Variants in RARB observed in about 807,000 individuals in gnomAD.
RARB encodes HBV-activated protein.
Under a neutral mutation model 51.9 loss-of-function variants are expected in RARB, and 17 were observed. The ratio of observed to expected loss-of-function variants is 0.33; its 90% CI spans 0.22 to 0.49. The LOEUF (loss-of-function observed/expected upper bound fraction) is 0.49, where lower values mean the gene tolerates loss of function less well. Ranked by LOEUF, RARB falls within the 20% of genes least tolerant of loss-of-function variation. RARB has a pLI of 0.99. For missense variants in RARB, 369 were observed against 550.8 expected (o/e 0.67, Z 3.30); for synonymous variants, 215 against 195.4 (o/e 1.10, Z -0.84).
intron 2 of RARB, among the ~76,000 whole-genome samples, chr3:24,910,604 T>C (rs748141853): frequency 6.6e-6 from 1 of 152,190 alleles, no homozygotes; most frequent in Non-Finnish European, 1.5e-5. Context: ...TTGTCACTCT[T>C]AACAGTCTAA....
chr3:25,545,663 T>C (rs1699589355), intron 3 of RARB, among the ~76,000 whole-genome samples: 1 of 152,174 alleles, frequency 6.6e-6, no homozygotes. Flanking sequence ...GTTCCTGTCC[T>C]GCAGCTCCTC....
At chr3:25,329,293 C>G (rs1044085496) in intron 5 of RARB, among the ~76,000 whole-genome samples, 1 of 152,094 alleles carries the variant, frequency 6.6e-6, no homozygotes, top group African/African-American at 2.4e-5. Flanking sequence ...TGACTGACAC[C>G]TCATACGGCC....
Position 25,317,476 on chromosome 3 carries a change from A to G in RARB, c.178+142901A>G, listed in dbSNP as rs78134945. On this transcript the variant is annotated intron_variant, in intron 5 of 11. Coordinates refer to the RARB transcript ENST00000383772. ...CAGCAAAGACTTCATATCCAGCATT[A>G]TAATAAAGCTAGTCTCATTTCATGG... is the stretch of plus-strand genomic sequence containing the variant. Among the ~76,000 whole-genome samples, 131 of 152,322 alleles carry G rather than the reference A, an allele frequency of 8.6e-4. 2 individuals carry two copies. In the East Asian group the frequency reaches 0.017, roughly 20 times the overall value.
chr3:25,106,489 G>T (rs138719869), intron 3 of RARB, among the ~76,000 whole-genome samples: 3,749 of 86,118 alleles, frequency 0.044, 77 homozygotes, highest in Middle Eastern at 0.065. Flanking sequence ...TTTTTGTAGA[G>T]ACAGGGTTTT....
intron 2 of RARB, among the ~76,000 whole-genome samples, chr3:25,059,039 T>C (rs1425394148): frequency 6.6e-6 from 1 of 151,578 alleles, no homozygotes; most frequent in African/African-American, 2.4e-5. Flanking sequence ...TTCTAACACA[T>C]GCATAAATAT....
intron 5 of RARB, among the ~76,000 whole-genome samples, chr3:25,234,615 A>T (rs966167345): frequency 6.6e-6 from 1 of 151,390 alleles, no homozygotes; most frequent in Non-Finnish European, 1.5e-5. Flanking sequence ...GAGCTAGGGG[A>T]TCTTCTGCTT....
intron 2 of RARB, among the ~76,000 whole-genome samples, chr3:24,860,385 T>A: frequency 6.6e-6 from 1 of 152,140 alleles, no homozygotes; most frequent in Non-Finnish European, 1.5e-5. Flanking sequence ...CATGAGAGAG[T>A]TGTCAGCTTG....
intron 2 of RARB, among the ~76,000 whole-genome samples, chr3:24,869,495 CTGAA>C (rs1334937821): frequency 6.6e-6 from 1 of 152,038 alleles, no homozygotes; most frequent in African/African-American, 2.4e-5. Context: ...GACTAAAACT[CTGAA>C]GGAGAGAATG....
intron 5 of RARB, among the ~76,000 whole-genome samples, chr3:25,331,162 G>A (rs1033024347): frequency 6.6e-6 from 1 of 152,146 alleles, no homozygotes; most frequent in African/African-American, 2.4e-5. Context: ...ATTCAGCTCT[G>A]CACCAAGCAG....
chr3:25,382,671 C>A (rs1000645195), intron 5 of RARB, among the ~76,000 whole-genome samples: 10 of 152,290 alleles, frequency 6.6e-5, no homozygotes, highest in South Asian at 4.1e-4. Flanking sequence ...GCCTGGCCAA[C>A]ATGGTGAAGC....
intron 2 of RARB, among the ~76,000 whole-genome samples, chr3:24,975,818 G>T (rs910472808): frequency 6.6e-6 from 1 of 151,938 alleles, no homozygotes; most frequent in Non-Finnish European, 1.5e-5. Flanking sequence ...CGTGCACAAC[G>T]TGCAGGTTTG....
chr3:24,941,175 AG>A (rs994772915), intron 2 of RARB, among the ~76,000 whole-genome samples: 1 of 151,988 alleles, frequency 6.6e-6, no homozygotes, highest in African/African-American at 2.4e-5. Flanking sequence ...AGAAGGATGG[AG>A]GGTGGATAGG....
intron 2 of RARB, among the ~76,000 whole-genome samples, chr3:24,952,037 G>A (rs551612347): frequency 6.6e-6 from 1 of 152,288 alleles, no homozygotes; most frequent in African/African-American, 2.4e-5. Flanking sequence ...TCAGCTAGAT[G>A]CAAACAATTA....
chr3:25,587,429 GA>G (rs11357740), intron 5 of RARB, among the ~76,000 whole-genome samples: 2,561 of 152,282 alleles, frequency 0.017, 73 homozygotes, highest in African/African-American at 0.057. Context: ...TCTCCTTAAT[GA>G]TTTTTTTGTA....
At chr3:25,463,492 A>T (rs1695285006) in intron 2 of RARB, among the ~76,000 whole-genome samples, 1 of 152,050 alleles carries the variant, frequency 6.6e-6, no homozygotes, top group African/African-American at 2.4e-5. Context: ...GTGAAACCCC[A>T]TCTCTACTAA....
intron 3 of RARB, chr3:25,555,613 A>C (rs1391894823): frequency 1.3e-5 from 2 of 152,218 alleles, no homozygotes; most frequent in Admixed American, 6.5e-5. Flanking sequence ...GAATGATCAC[A>C]TTAAGAATTG....
At chr3:25,389,967 A>G (rs2125486288) in intron 5 of RARB, among the ~76,000 whole-genome samples, 1 of 152,258 alleles carries the variant, frequency 6.6e-6, no homozygotes, top group Non-Finnish European at 1.5e-5. Context: ...AAGGAGACAT[A>G]AGTTTGGATT....
At chr3:25,111,674 G>T (rs1699604616) in intron 3 of RARB, among the ~76,000 whole-genome samples, 2 of 150,684 alleles carry the variant, frequency 1.3e-5, no homozygotes, top group Admixed American at 1.3e-4. Context: ...CGCCTCCTGG[G>T]TTCAAGCAAT....
chr3:24,934,656 A>C (rs1378077627), intron 2 of RARB, among the ~76,000 whole-genome samples: 1 of 152,144 alleles, frequency 6.6e-6, no homozygotes, highest in Non-Finnish European at 1.5e-5. Flanking sequence ...TTTCATATTC[A>C]AAATATGAAT....
Sources: gnomAD v4.1 joint callset for allele counts (sites outside exome capture counted in the v4.1 genomes callset) on GRCh38, gnomAD v4.1.1 for gene constraint, MANE v1.5 for transcripts, NCBI Gene and HGNC (gene_info 2026-07-23, HGNC 2026-07-21) for gene names.